TMEM132D: variants seen among roughly 807,000 people sequenced by gnomAD.
TMEM132D encodes transmembrane protein 132D, also known as mature OL transmembrane protein.
Under a neutral mutation model 62.3 loss-of-function variants are expected in TMEM132D, and 21 were observed. That is an observed-to-expected ratio of 0.34 (90% CI 0.24 to 0.49). The LOEUF (loss-of-function observed/expected upper bound fraction) is 0.49, where lower values mean the gene tolerates loss of function less well. Among genes scored for constraint, TMEM132D ranks in the 20% least tolerant of loss-of-function variants. The probability of loss-of-function intolerance (pLI) is 0.99; values close to 1 mark genes in which losing one functional copy is unlikely to be tolerated. For synonymous variants in TMEM132D, 621 were observed against 575.6 expected, an observed-to-expected ratio of 1.08 and a Z score of -1.13; for missense variants, 1,346 against 1,402.8, an observed-to-expected ratio of 0.96 and a Z score of 0.65.
chr12:129,849,238 G>A (rs1459868910), intron 1 of TMEM132D, among the ~76,000 whole-genome samples: 1 of 152,094 alleles, frequency 6.6e-6, no homozygotes, highest in African/African-American at 2.4e-5. Flanking sequence ...AAACCCAAGT[G>A]TATCCCATTT....
chr12:129,268,384 A>C (rs7296956), intron 4 of TMEM132D, among the ~76,000 whole-genome samples: 3,040 of 152,336 alleles, frequency 0.02, 108 homozygotes, highest in African/African-American at 0.069. Flanking sequence ...GGACATGAAC[A>C]GACACTTCTC....
chr12:129,338,880 G>A (rs1221935855), intron 3 of TMEM132D, among the ~76,000 whole-genome samples: 1 of 152,142 alleles, frequency 6.6e-6, no homozygotes, highest in Non-Finnish European at 1.5e-5. Context: ...GGGGCTTCCA[G>A]GGAGCCTTGT....
At chr12:129,676,201 T>G (rs1593115830) in intron 2 of TMEM132D, among the ~76,000 whole-genome samples, 1 of 152,078 alleles carries the variant, frequency 6.6e-6, no homozygotes, top group East Asian at 1.9e-4. Flanking sequence ...ATAAACCACA[T>G]CAAGATGATG....
intron 1 of TMEM132D, among the ~76,000 whole-genome samples, chr12:129,885,077 T>C (rs1259748559): frequency 1.3e-5 from 2 of 152,076 alleles, no homozygotes; most frequent in Non-Finnish European, 2.9e-5. Flanking sequence ...AACAAAACTA[T>C]AGGGACAGAA....
At chr12:129,694,386 CAAAG>C (rs1881145130) in intron 2 of TMEM132D, among the ~76,000 whole-genome samples, 1 of 152,158 alleles carries the variant, frequency 6.6e-6, no homozygotes, top group South Asian at 2.1e-4. Context: ...CCACCAAAAC[CAAAG>C]AAAGTCTAAG....
In TMEM132D at chr12:129,665,085, A is replaced by C. The variant is rs1203309688; in HGVS notation, c.968+34725T>G. ...ACAGTTAGTGTTCACCAGTCGCAAA[A>C]TTCTGTCATCCTGTGTGTGTAAAAA... is the stretch of plus-strand genomic sequence containing the variant. On this transcript the variant is annotated intron_variant, in intron 2 of 8. Coordinates refer to ENST00000422113, the MANE Select transcript of TMEM132D (RefSeq NM_133448.3). 2.0e-5 allele frequency among the ~76,000 whole-genome samples: 3 copies of C among 152,182 alleles called. No homozygotes were observed. In the East Asian group the frequency reaches 5.8e-4, roughly 29 times the overall value.
At chr12:129,866,904 G>A (rs1291376429) in intron 1 of TMEM132D, among the ~76,000 whole-genome samples, 1 of 152,122 alleles carries the variant, frequency 6.6e-6, no homozygotes, top group Non-Finnish European at 1.5e-5. Context: ...TGAACGAATG[G>A]ATACAGAAAA....
chr12:129,170,654 GTC>G (rs1279934199), intron 5 of TMEM132D, among the ~76,000 whole-genome samples: 1 of 151,988 alleles, frequency 6.6e-6, no homozygotes, highest in Non-Finnish European at 1.5e-5. Context: ...GTAAAACCCA[GTC>G]TCTACTAAAA....
intron 4 of TMEM132D, among the ~76,000 whole-genome samples, chr12:129,279,799 C>T (rs1881092482): frequency 6.6e-6 from 1 of 152,176 alleles, no homozygotes; most frequent in African/African-American, 2.4e-5. Context: ...ATGGTGATCT[C>T]ATGTTTTACG....
intron 6 of TMEM132D, 63 bp from the exon 7 acceptor site, chr12:129,082,095 GT>G: frequency 6.5e-7 from 1 of 1,529,818 alleles, no homozygotes; most frequent in South Asian, 1.3e-5. Flanking sequence ...GGGGCCGTGT[GT>G]GGAGCCTGGT....
In TMEM132D at chr12:129,646,989, A is replaced by G. The variant is rs558968151; in HGVS notation, c.968+52821T>C. ...AATTTTTTGTATTTTTAGTAGAGACAGGGTCTCCCCATGTTGGCCAGGCTG... is the reference window on the plus strand; with the variant it reads ...AATTTTTTGTATTTTTAGTAGAGACGGGGTCTCCCCATGTTGGCCAGGCTG... On this transcript the variant is annotated intron_variant, in intron 2 of 8. Transcript: ENST00000422113. Among the ~76,000 whole-genome samples the G allele has an allele frequency of 2.8e-3, 429 of 151,844 alleles. 6 individuals carry two copies. Among genetic ancestry groups the G allele is most frequent in the Non-Finnish European group, 2.6e-3 (175 of 67,932 alleles).
chr12:129,559,204 T>G (rs1566109719), intron 2 of TMEM132D, among the ~76,000 whole-genome samples: 1 of 152,176 alleles, frequency 6.6e-6, no homozygotes, highest in Non-Finnish European at 1.5e-5. Flanking sequence ...ATAAAGTAGG[T>G]ACAAAGGCAA....
At chr12:129,423,136 T>C (rs1397517269) in intron 3 of TMEM132D, among the ~76,000 whole-genome samples, 1 of 152,004 alleles carries the variant, frequency 6.6e-6, no homozygotes, top group Admixed American at 6.6e-5. Context: ...GAACAATTTC[T>C]AAATTAAAAA....
intron 2 of TMEM132D, among the ~76,000 whole-genome samples, chr12:129,673,696 C>T (rs1449163666): frequency 6.6e-6 from 1 of 152,144 alleles, no homozygotes; most frequent in African/African-American, 2.4e-5. Context: ...TGGGTCTGCA[C>T]CTGCAGGCTC....
Position 129,384,913 on chromosome 12 carries a change from T to A in TMEM132D, c.1116-47096A>T, listed in dbSNP as rs78702503. Among the ~76,000 whole-genome samples the A allele has an allele frequency of 7.5e-3, 1,137 of 152,160 alleles. 17 individuals are homozygous for A. The highest frequency in any genetic ancestry group is 0.026 in the African/African-American group (1,071 of 41,512). On this transcript the variant is annotated intron_variant, in intron 3 of 8. Transcript: ENST00000422113. ...GAGTTTCTATAAAAGGAAGCACCTTTCCCATTTACTAGATTTGAGCCCATC... is the reference window on the plus strand; with the variant it reads ...GAGTTTCTATAAAAGGAAGCACCTTACCCATTTACTAGATTTGAGCCCATC...
chr12:129,232,311 G>A (rs551019888), intron 4 of TMEM132D, among the ~76,000 whole-genome samples: 4 of 152,306 alleles, frequency 2.6e-5, no homozygotes, highest in Admixed American at 6.5e-5. Context: ...CAAGACATGT[G>A]ACTGGACAGA....
At chr12:129,685,697 C>A (rs1461165336) in intron 2 of TMEM132D, among the ~76,000 whole-genome samples, 2 of 152,208 alleles carry the variant, frequency 1.3e-5, no homozygotes, top group African/African-American at 4.8e-5. Context: ...AGACCACCAA[C>A]AGCTTCTGCC....
At position 129,073,148 on chromosome 12, in the gene TMEM132D, C is replaced by A. The variant is rs556969667; in HGVS notation, c.*727G>T. On this transcript the variant is annotated 3_prime_UTR_variant, in exon 9 of 9. Transcript: ENST00000422113. ...TTTGAACCTGATTCAAATTCTATGC[C>A]CAGTATCCTTAGTTTACAAATAAAG... 2 of 152,242 alleles carry A rather than the reference C, an allele frequency of 1.3e-5. No homozygotes were observed. The highest frequency in any genetic ancestry group is 4.8e-5 in the African/African-American group (2 of 41,538). 9.4% of individuals were successfully genotyped at this position (152,242 alleles called of 1,614,324 possible). A position where few individuals can be genotyped will look rare whatever the true frequency, so the allele number is the denominator to read the frequency against.
intron 2 of TMEM132D, among the ~76,000 whole-genome samples, chr12:129,666,492 G>A (rs1026007603): frequency 1.3e-5 from 2 of 152,124 alleles, no homozygotes; most frequent in African/African-American, 4.8e-5. Flanking sequence ...AAAATGTCTT[G>A]AAAATGTAGA....
Sources: gnomAD v4.1 joint callset for allele counts (sites outside exome capture counted in the v4.1 genomes callset) on GRCh38, gnomAD v4.1.1 for gene constraint, MANE v1.5 for transcripts, NCBI Gene and HGNC (gene_info 2026-07-23, HGNC 2026-07-21) for gene names.